The following AGBL4 variants were observed in gnomAD, a reference collection of about 807,000 sequenced individuals.
AGBL4 encodes the protein cytosolic carboxypeptidase 6.
A neutral mutation model predicts 66.4 loss-of-function variants in AGBL4; 58 were observed. The ratio of observed to expected loss-of-function variants is 0.87; its 90% CI spans 0.71 to 1.09. The LOEUF (loss-of-function observed/expected upper bound fraction) is 1.09, where lower values mean the gene tolerates loss of function less well. AGBL4 is among the 50% of genes least tolerant of loss of function. AGBL4 has a pLI of 0.00. For synonymous variants in AGBL4, 234 were observed against 222.9 expected (o/e 1.05, Z -0.44); for missense variants, 579 against 631.0 (o/e 0.92, Z 0.88).
At chr1:49,251,437 C>A (rs923839319) in intron 3 of AGBL4, among the ~76,000 whole-genome samples, 4 of 152,110 alleles carry the variant, frequency 2.6e-5, no homozygotes, top group African/African-American at 9.7e-5. Flanking sequence ...TGCCAGTGCC[C>A]CACCCTTGCA....
chr1:49,824,036 C>T (rs879678379), intron 2 of AGBL4, among the ~76,000 whole-genome samples: 1 of 151,940 alleles, frequency 6.6e-6, no homozygotes, highest in Non-Finnish European at 1.5e-5. Context: ...CATGGAGAAA[C>T]CCCGTCTCTA....
chr1:49,983,101 G>C (rs1659206659), intron 1 of AGBL4, among the ~76,000 whole-genome samples: 1 of 152,198 alleles, frequency 6.6e-6, no homozygotes, highest in Non-Finnish European at 1.5e-5. Context: ...ACAAGAACTT[G>C]GGACCTGCCA....
At chr1:49,566,997 A>G (rs1033579930) in intron 3 of AGBL4, among the ~76,000 whole-genome samples, 35 of 152,160 alleles carry the variant, frequency 2.3e-4, no homozygotes, top group African/African-American at 8.0e-4. Flanking sequence ...AGCCTGGACA[A>G]TGGCAGGCGC....
At chr1:48,742,210 A>C (rs1025139874) in intron 6 of AGBL4, among the ~76,000 whole-genome samples, 1 of 152,190 alleles carries the variant, frequency 6.6e-6, no homozygotes, top group African/African-American at 2.4e-5. Context: ...TGGTGAATGA[A>C]CACAAACTGA....
chr1:48,559,707 G>A (rs987544764), intron 11 of AGBL4, among the ~76,000 whole-genome samples: 1 of 152,056 alleles, frequency 6.6e-6, no homozygotes, highest in East Asian at 1.9e-4. Context: ...ACCCTCGAAT[G>A]TTCTTAATCC....
At chr1:49,232,119 G>C (rs1332090756) in intron 4 of AGBL4, among the ~76,000 whole-genome samples, 1 of 152,060 alleles carries the variant, frequency 6.6e-6, no homozygotes, top group Non-Finnish European at 1.5e-5. Flanking sequence ...TTTCCACTGG[G>C]GGGAGTGATG....
chr1:49,260,452 G>T (rs370395933), intron 3 of AGBL4, among the ~76,000 whole-genome samples: 1 of 151,252 alleles, frequency 6.6e-6, no homozygotes, highest in Non-Finnish European at 1.5e-5. Context: ...TCAAATAGAC[G>T]CAATAAAAAA....
At chr1:48,709,892 A>G (rs1017813693) in intron 6 of AGBL4, among the ~76,000 whole-genome samples, 11 of 152,244 alleles carry the variant, frequency 7.2e-5, no homozygotes, top group Non-Finnish European at 8.8e-5. Flanking sequence ...GTGAGCCACC[A>G]TGCCCGGCCT....
intron 5 of AGBL4, among the ~76,000 whole-genome samples, chr1:49,016,453 A>C (rs1313007507): frequency 1.3e-5 from 2 of 152,246 alleles, no homozygotes; most frequent in Non-Finnish European, 2.9e-5. Context: ...CTGGGAAGGC[A>C]GACTTCATGC....
At chr1:48,979,467 A>T (rs1299967530) in intron 5 of AGBL4, among the ~76,000 whole-genome samples, 1 of 152,154 alleles carries the variant, frequency 6.6e-6, no homozygotes, top group Non-Finnish European at 1.5e-5. Flanking sequence ...TCACATATGT[A>T]GTTGAAAAAT....
At chr1:50,008,447 T>C (rs1661297041) in intron 1 of AGBL4, among the ~76,000 whole-genome samples, 2 of 152,002 alleles carry the variant, frequency 1.3e-5, no homozygotes, top group African/African-American at 4.8e-5. Flanking sequence ...AGAAAGAAAT[T>C]GAACATTTTC....
At chr1:48,776,537 G>C in intron 6 of AGBL4, 23 of 1,163,826 alleles carry the variant, frequency 2.0e-5, no homozygotes, top group Non-Finnish European at 2.4e-5. Context: ...CTCCGCCCGG[G>C]CCCCCGGCCC....
rs555875260 is a variant in AGBL4, at chr1:49,277,246, A to C, written c.283-31382T>G. ...CTAGCTATTTTAATGTACCATTTGA[A>C]TTTGATCATACTAACATATATTTTT... is the stretch of plus-strand genomic sequence containing the variant. On this transcript the variant is annotated intron_variant, in intron 3 of 13. Transcript: ENST00000371839. Among the ~76,000 whole-genome samples, 31 of 152,266 alleles carry C rather than the reference A, an allele frequency of 2.0e-4. No individual in the cohort carries two copies. In the South Asian group the frequency reaches 6.4e-3, roughly 32 times the overall value.
At chr1:49,854,940 C>T (rs544115390) in intron 1 of AGBL4, among the ~76,000 whole-genome samples, 1 of 152,278 alleles carries the variant, frequency 6.6e-6, no homozygotes, top group African/African-American at 2.4e-5. Flanking sequence ...AACAAGCCTG[C>T]CTATGTATGT....
At chr1:48,787,410 G>A (rs921867543) in intron 6 of AGBL4, among the ~76,000 whole-genome samples, 22 of 152,140 alleles carry the variant, frequency 1.4e-4, no homozygotes, top group Admixed American at 3.9e-4. Context: ...ATGTTGTGGT[G>A]GGTGGGAATG....
At position 49,068,749 on chromosome 1, in the gene AGBL4, A is replaced by G. The variant is rs561265191; in HGVS notation, c.378-22949T>C. Among the ~76,000 whole-genome samples, 310 of 152,284 alleles carry G rather than the reference A, an allele frequency of 2.0e-3. 1 individual carries two copies. Among genetic ancestry groups the G allele is most frequent in the Non-Finnish European group, 3.5e-3 (235 of 68,018 alleles). On this transcript the variant is annotated intron_variant, in intron 4 of 13. Transcript: ENST00000371839. ...ATAATCCTTTGGGTATATACCCAGT[A>G]ATGGGATGGCTGGGTCAAATGGCAT...
At chr1:49,705,806 T>C (rs1647201719) in intron 2 of AGBL4, among the ~76,000 whole-genome samples, 1 of 152,106 alleles carries the variant, frequency 6.6e-6, no homozygotes, top group South Asian at 2.1e-4. Context: ...TATAATCATG[T>C]GGTTTTTGTC....
At chr1:49,163,650 GAATT>G (rs1230095338) in intron 4 of AGBL4, among the ~76,000 whole-genome samples, 1 of 152,052 alleles carries the variant, frequency 6.6e-6, no homozygotes, top group East Asian at 1.9e-4. Context: ...ATGTATGAAC[GAATT>G]AATAAACAAA....
chr1:49,728,013 G>A (rs1558196352), intron 2 of AGBL4, among the ~76,000 whole-genome samples: 1 of 152,096 alleles, frequency 6.6e-6, no homozygotes, highest in Non-Finnish European at 1.5e-5. Context: ...AATCAAAGCT[G>A]ACAATTACCT....
Sources: allele counts gnomAD v4.1 joint callset (sites outside exome capture counted in the v4.1 genomes callset), GRCh38; gene constraint gnomAD v4.1.1; transcripts MANE v1.5; gene names NCBI Gene and HGNC (gene_info 2026-07-23, HGNC 2026-07-21).